Variants in ARHGAP10 observed in about 807,000 individuals in gnomAD.
ARHGAP10 encodes rho GTPase-activating protein 10.
Under a neutral mutation model 108.6 loss-of-function variants are expected in ARHGAP10, and 87 were observed. That is an observed-to-expected ratio of 0.80 (90% CI 0.67 to 0.96). ARHGAP10 has a LOEUF of 0.96. Ranked by LOEUF, ARHGAP10 falls within the 40% of genes least tolerant of loss-of-function variation. The probability of loss-of-function intolerance (pLI) is 0.00; values close to 1 mark genes in which losing one functional copy is unlikely to be tolerated. For missense variants in ARHGAP10, 939 were observed against 954.5 expected (o/e 0.98, Z 0.21); for synonymous variants, 347 against 341.1 (o/e 1.02, Z -0.19).
At chr4:148,052,392 C>CTT (rs35449374) in intron 20 of ARHGAP10, among the ~76,000 whole-genome samples, 2,804 of 90,566 alleles carry the variant, frequency 0.031, 56 homozygotes, top group African/African-American at 0.048. Context: ...TGCACATTTG[C>CTT]TTTTTTTTTT....
intron 1 of ARHGAP10, among the ~76,000 whole-genome samples, chr4:147,809,932 C>T (rs909593215): frequency 3.9e-5 from 6 of 152,112 alleles, no homozygotes; most frequent in Non-Finnish European, 8.8e-5. Context: ...CCAAAAGATA[C>T]CTAACTTTAC....
At chr4:147,804,024 G>T (rs1321230501) in intron 1 of ARHGAP10, among the ~76,000 whole-genome samples, 1 of 151,150 alleles carries the variant, frequency 6.6e-6, no homozygotes, top group East Asian at 1.9e-4. Context: ...TCAGGTTCAG[G>T]GGTACATGTG....
intron 10 of ARHGAP10, among the ~76,000 whole-genome samples, chr4:147,888,855 C>T (rs1244770752): frequency 1.3e-5 from 2 of 152,120 alleles, no homozygotes; most frequent in South Asian, 2.1e-4. Context: ...TTTGGGGCTT[C>T]GAAAGCATTA....
intron 19 of ARHGAP10, among the ~76,000 whole-genome samples, chr4:148,024,600 T>A (rs1171201420): frequency 1.3e-5 from 2 of 152,240 alleles, no homozygotes; most frequent in Admixed American, 1.3e-4. Context: ...TAGGTACATA[T>A]GATACAAATA....
At chr4:147,969,180 G>A (rs1344381724) in intron 18 of ARHGAP10, among the ~76,000 whole-genome samples, 1 of 152,198 alleles carries the variant, frequency 6.6e-6, no homozygotes, top group African/African-American at 2.4e-5. Context: ...GGTACTTGTT[G>A]CATTGGCTGT....
At chr4:148,019,426 A>G (rs970816246) in intron 18 of ARHGAP10, among the ~76,000 whole-genome samples, 2 of 152,288 alleles carry the variant, frequency 1.3e-5, no homozygotes, top group East Asian at 1.9e-4. Context: ...CATTGTGCAC[A>G]TGAGAAAATG....
chr4:147,846,594 A>C (rs1733643611), intron 3 of ARHGAP10, among the ~76,000 whole-genome samples: 1 of 152,134 alleles, frequency 6.6e-6, no homozygotes, highest in African/African-American at 2.4e-5. Context: ...AGCTTCCCTG[A>C]TGTCATGTTT....
At chr4:148,010,318 T>G (rs1364274553) in intron 18 of ARHGAP10, among the ~76,000 whole-genome samples, 1 of 152,214 alleles carries the variant, frequency 6.6e-6, no homozygotes, top group East Asian at 1.9e-4. Flanking sequence ...TGCATTTAAA[T>G]AGCAATGAAC....
At position 148,072,195 on chromosome 4, in the gene ARHGAP10, G is replaced by T; in HGVS notation, c.*114G>T. The T allele has an allele frequency of 2.3e-6, 2 of 858,048 alleles. No homozygotes were observed. Among genetic ancestry groups the T allele is most frequent in the Non-Finnish European group, 3.5e-6 (2 of 566,858 alleles). 53.2% of individuals were successfully genotyped at this position (858,048 alleles called of 1,614,324 possible). ...GCACCCACAGGTACCTCCACACTTG[G>T]GAGTTACCATCATCACAGTCAGCCC... On this transcript the variant is annotated 3_prime_UTR_variant, in exon 23 of 23. Coordinates refer to ENST00000336498, the MANE Select transcript of ARHGAP10 (RefSeq NM_024605.4).
chr4:147,896,093 G>C (rs2126892440), intron 10 of ARHGAP10, among the ~76,000 whole-genome samples: 1 of 152,224 alleles, frequency 6.6e-6, no homozygotes, highest in South Asian at 2.1e-4. Context: ...CTAGCTTTTT[G>C]TACCTGCTTC....
intron 18 of ARHGAP10, among the ~76,000 whole-genome samples, chr4:147,969,703 A>G (rs894191516): frequency 1.3e-5 from 2 of 152,176 alleles, no homozygotes; most frequent in African/African-American, 4.8e-5. Flanking sequence ...TGCTGCTTTC[A>G]CCTTGTTAAT....
At chr4:147,807,182 T>C (rs1001784597) in intron 1 of ARHGAP10, among the ~76,000 whole-genome samples, 1 of 150,996 alleles carries the variant, frequency 6.6e-6, no homozygotes, top group African/African-American at 2.5e-5. Context: ...TGAGGTCTGT[T>C]CCCACCCCCC....
chr4:147,850,091 G>A (rs1239511276), intron 4 of ARHGAP10, among the ~76,000 whole-genome samples: 1 of 152,066 alleles, frequency 6.6e-6, no homozygotes, highest in Non-Finnish European at 1.5e-5. Flanking sequence ...CCAGCACTCT[G>A]TGTCTAGCCA....
intron 18 of ARHGAP10, among the ~76,000 whole-genome samples, chr4:148,014,166 G>C (rs1741267820): frequency 6.6e-6 from 1 of 152,200 alleles, no homozygotes; most frequent in Non-Finnish European, 1.5e-5. Context: ...GTTAGTCTAG[G>C]CGTTTATTAC....
intron 15 of ARHGAP10, among the ~76,000 whole-genome samples, 167 bp downstream of exon 15, chr4:147,946,871 T>C (rs142022559): frequency 6.6e-6 from 1 of 152,348 alleles, no homozygotes; most frequent in East Asian, 1.9e-4. Context: ...AACTAGTAGA[T>C]GCACATCAGT....
chr4:147,850,573 A>C (rs1315482626), intron 4 of ARHGAP10, among the ~76,000 whole-genome samples: 1 of 152,204 alleles, frequency 6.6e-6, no homozygotes, highest in Non-Finnish European at 1.5e-5. Context: ...CTAAGTCAGC[A>C]AGACCACGAA....
chr4:147,870,487 G>A (rs1195444563), intron 7 of ARHGAP10, among the ~76,000 whole-genome samples: 1 of 151,602 alleles, frequency 6.6e-6, no homozygotes, highest in Non-Finnish European at 1.5e-5. Context: ...ATCAGAAAAA[G>A]GTAAAAGGTA....
chr4:147,793,305 C>CACATATAT (rs1321502303), intron 1 of ARHGAP10, among the ~76,000 whole-genome samples: 2 of 130,004 alleles, frequency 1.5e-5, no homozygotes, highest in African/African-American at 5.4e-5. Flanking sequence ...ATAACACACA[C>CACATATAT]ATATATATAT....
intron 13 of ARHGAP10, among the ~76,000 whole-genome samples, chr4:147,921,407 G>A (rs757929803): frequency 1.3e-5 from 2 of 152,168 alleles, no homozygotes; most frequent in African/African-American, 2.4e-5. Context: ...TGCTTTAGAC[G>A]ATGAGAGATC....
Sources: allele counts gnomAD v4.1 joint callset (sites outside exome capture counted in the v4.1 genomes callset), GRCh38; gene constraint gnomAD v4.1.1; transcripts MANE v1.5; gene names NCBI Gene and HGNC (gene_info 2026-07-23, HGNC 2026-07-21).